The following DACH1 variants were observed in gnomAD, a reference collection of about 807,000 sequenced individuals.
DACH1 encodes the protein dachshund homolog 1.
DACH1 carries 12 observed loss-of-function variants against 54.2 expected under a neutral mutation model. That is an observed-to-expected ratio of 0.22 (90% CI 0.14 to 0.36). The LOEUF (loss-of-function observed/expected upper bound fraction) is 0.36. Among genes scored for constraint, DACH1 ranks in the 10% least tolerant of loss-of-function variants. The pLI is 1.00. For missense variants in DACH1, 805 were observed against 929.8 expected (o/e 0.87, Z 1.75); for synonymous variants, 386 against 366.2 (o/e 1.05, Z -0.62).
At chr13:71,476,794 T>C (rs1293502156) in intron 8 of DACH1, among the ~76,000 whole-genome samples, 1 of 151,960 alleles carries the variant, frequency 6.6e-6, no homozygotes, top group East Asian at 1.9e-4. Flanking sequence ...ACTACATATA[T>C]ATGTATACAT....
chr13:71,562,046 C>T (rs971709357), intron 4 of DACH1, among the ~76,000 whole-genome samples: 3 of 151,626 alleles, frequency 2.0e-5, no homozygotes, highest in Non-Finnish European at 4.4e-5. Context: ...ATTTTAATCT[C>T]GAAAGTTGCA....
chr13:71,688,421 T>C (rs549430438), intron 1 of DACH1, among the ~76,000 whole-genome samples: 2 of 152,348 alleles, frequency 1.3e-5, no homozygotes, highest in Admixed American at 6.5e-5. Context: ...TGATTAACAT[T>C]ATTTTCCCTT....
chr13:71,753,807 A>G (rs1469185472), intron 1 of DACH1, among the ~76,000 whole-genome samples: 2 of 152,170 alleles, frequency 1.3e-5, no homozygotes, highest in African/African-American at 2.4e-5. Context: ...GTGATCAGCT[A>G]CCCCTAAAGC....
intron 7 of DACH1, among the ~76,000 whole-genome samples, chr13:71,481,030 GCTT>G (rs900794930): frequency 1.3e-5 from 2 of 152,154 alleles, no homozygotes; most frequent in Admixed American, 1.3e-4. Context: ...TCCTGTGTAG[GCTT>G]CTTCTTCGTC....
rs762315543 is a variant in DACH1, at chr13:71,621,257, A to G, written c.1126+9299T>C. On this transcript the variant is annotated intron_variant, in intron 3 of 10. Transcript: ENST00000613252. ...TTGAAGTGACAGGAATGGTGATTCA[A>G]TCCTGCATCCCCACATATCAGATAT... Among the ~76,000 whole-genome samples, 7 of 151,942 alleles carry G rather than the reference A, an allele frequency of 4.6e-5. No individual in the cohort carries two copies. In the East Asian group the frequency reaches 1.2e-3, roughly 25 times the overall value.
chr13:71,570,520 C>T (rs1449581011), intron 4 of DACH1, among the ~76,000 whole-genome samples: 3 of 152,114 alleles, frequency 2.0e-5, no homozygotes, highest in Admixed American at 6.5e-5. Context: ...TATTTGGCTG[C>T]TACTATTACC....
At chr13:71,601,827 C>G (rs1874515826) in intron 3 of DACH1, among the ~76,000 whole-genome samples, 1 of 151,810 alleles carries the variant, frequency 6.6e-6, no homozygotes, top group Non-Finnish European at 1.5e-5. Flanking sequence ...TACAATAACC[C>G]ATGTTATGGG....
intron 1 of DACH1, among the ~76,000 whole-genome samples, chr13:71,847,448 T>C (rs12584390): frequency 0.095 from 14,414 of 152,168 alleles, 1,407 homozygotes; most frequent in East Asian, 0.57. Flanking sequence ...GATACAAAAC[T>C]ATACACCACA....
At chr13:71,786,131 A>G (rs1270545474) in intron 1 of DACH1, among the ~76,000 whole-genome samples, 1 of 152,200 alleles carries the variant, frequency 6.6e-6, no homozygotes, top group African/African-American at 2.4e-5. Flanking sequence ...GAAAGAAAAA[A>G]ATAATACTAA....
At chr13:71,749,229 C>T (rs552269642) in intron 1 of DACH1, among the ~76,000 whole-genome samples, 68 of 151,810 alleles carry the variant, frequency 4.5e-4, no homozygotes, top group Non-Finnish European at 9.1e-4. Flanking sequence ...AGTGATCCAC[C>T]GCCTCGGCCT....
chr13:71,731,257 C>T (rs942662001), intron 1 of DACH1, among the ~76,000 whole-genome samples: 7 of 150,688 alleles, frequency 4.6e-5, no homozygotes, highest in African/African-American at 1.7e-4. Context: ...AAGCAAGCCA[C>T]TTAACTTCTC....
intron 6 of DACH1, among the ~76,000 whole-genome samples, chr13:71,509,988 G>C (rs1593809431): frequency 6.6e-6 from 1 of 151,970 alleles, no homozygotes; most frequent in East Asian, 1.9e-4. Flanking sequence ...AAAGTTAACA[G>C]TGATGTCCAT....
At chr13:71,822,783 G>A (rs1210781998) in intron 1 of DACH1, among the ~76,000 whole-genome samples, 1 of 152,038 alleles carries the variant, frequency 6.6e-6, no homozygotes, top group Admixed American at 6.6e-5. Flanking sequence ...GACCTTATAT[G>A]ATACCAAAGG....
intron 7 of DACH1, among the ~76,000 whole-genome samples, chr13:71,479,853 C>T (rs1393527781): frequency 6.6e-6 from 1 of 152,134 alleles, no homozygotes; most frequent in Non-Finnish European, 1.5e-5. Context: ...TCTTTCTGTT[C>T]CCTTCCTGAA....
chr13:71,748,662 C>A (rs1249466193), intron 1 of DACH1, among the ~76,000 whole-genome samples: 1 of 152,134 alleles, frequency 6.6e-6, no homozygotes, highest in Non-Finnish European at 1.5e-5. Context: ...TATAAGCTAA[C>A]TGGAAGTCTG....
chr13:71,702,035 A>G (rs570761412), intron 1 of DACH1, among the ~76,000 whole-genome samples: 2 of 152,136 alleles, frequency 1.3e-5, no homozygotes, highest in Non-Finnish European at 2.9e-5. Flanking sequence ...ATCCAAAAAA[A>G]TAAATAAATA....
Position 71,617,663 on chromosome 13 carries a change from C to T in DACH1, c.1126+12893G>A, listed in dbSNP as rs114728221. Among the ~76,000 whole-genome samples, 1,468 of 152,282 alleles carry T rather than the reference C, an allele frequency of 9.6e-3. 22 individuals carry two copies. The highest frequency in any genetic ancestry group is 0.033 in the African/African-American group (1,380 of 41,560). On this transcript the variant is annotated intron_variant, in intron 3 of 10. Coordinates refer to ENST00000613252, the MANE Select transcript of DACH1 (RefSeq NM_080759.6). Reference sequence around the variant, plus strand: ...AGAATAAAATAGTTAACAACATTTACAACTACTCTATGACCTCTTTCAAAG... The same window carrying T: ...AGAATAAAATAGTTAACAACATTTATAACTACTCTATGACCTCTTTCAAAG...
chr13:71,748,136 T>C (rs1884684068), intron 1 of DACH1, among the ~76,000 whole-genome samples: 1 of 151,666 alleles, frequency 6.6e-6, no homozygotes, highest in African/African-American at 2.4e-5. Flanking sequence ...TCACACAGAT[T>C]AACACGTTGT....
At chr13:71,459,481 A>C (rs914926592) in intron 10 of DACH1, among the ~76,000 whole-genome samples, 1 of 151,944 alleles carries the variant, frequency 6.6e-6, no homozygotes, top group African/African-American at 2.4e-5. Flanking sequence ...TATAACTTAA[A>C]TTCATGATTT....
Sources: gnomAD v4.1 joint callset for allele counts (sites outside exome capture counted in the v4.1 genomes callset) on GRCh38, gnomAD v4.1.1 for gene constraint, MANE v1.5 for transcripts, NCBI Gene and HGNC (gene_info 2026-07-23, HGNC 2026-07-21) for gene names.